HS2ST1: variants seen among roughly 807,000 people sequenced by gnomAD.
The protein encoded by HS2ST1 is heparan sulfate 2-O-sulfotransferase 1.
A neutral mutation model predicts 42.9 loss-of-function variants in HS2ST1; 18 were observed. The ratio of observed to expected loss-of-function variants is 0.42; its 90% CI spans 0.29 to 0.62. The LOEUF (loss-of-function observed/expected upper bound fraction) is 0.62, where lower values mean the gene tolerates loss of function less well. HS2ST1 is among the 20% of genes least tolerant of loss of function. HS2ST1 has a pLI of 0.21. For synonymous variants in HS2ST1, 146 were observed against 152.9 expected, an observed-to-expected ratio of 0.95 and a Z score of 0.33; for missense variants, 334 against 433.8, an observed-to-expected ratio of 0.77 and a Z score of 2.04.
rs985905921 is a variant in HS2ST1 at position 87,103,609 on chromosome 1, CT to C, written c.844+25del. The C allele has an allele frequency of 6.8e-7, 1 of 1,478,198 alleles. No individual in the cohort carries two copies. The highest frequency in any genetic ancestry group is 1.5e-5 in the African/African-American group (1 of 68,800). The allele number at this position is 1,478,198 out of a possible 1,614,324, so 91.6% of individuals were successfully genotyped here. On this transcript the variant is annotated intron_variant, in intron 6 of 6. Coordinates refer to ENST00000370550, the MANE Select transcript of HS2ST1 (RefSeq NM_012262.4). The stretch of plus-strand genomic sequence containing the variant: ...GCACAGGTATATAAAGGAAGGGTTT[CT>C]TTTTAAAGCTTTCTTTGGTTTGGTT...
chr1:86,926,457 A>G (rs1345055806), intron 1 of HS2ST1, among the ~76,000 whole-genome samples: 2 of 152,170 alleles, frequency 1.3e-5, no homozygotes. Flanking sequence ...GCTATAGCCT[A>G]GAAACTCTCT....
intron 3 of HS2ST1, among the ~76,000 whole-genome samples, chr1:87,089,942 G>A (rs1421024852): frequency 5.9e-5 from 9 of 151,956 alleles, no homozygotes; most frequent in African/African-American, 1.2e-4. Context: ...GTTCTTCTGC[G>A]AGGAGATTAT....
chr1:86,929,478 TG>T (rs1478479563), intron 1 of HS2ST1, among the ~76,000 whole-genome samples: 1 of 151,876 alleles, frequency 6.6e-6, no homozygotes, highest in Non-Finnish European at 1.5e-5. Context: ...GAAATCTATT[TG>T]TTTTCATATA....
chr1:87,033,426 A>G (rs1650289618), intron 1 of HS2ST1, among the ~76,000 whole-genome samples: 1 of 152,252 alleles, frequency 6.6e-6, no homozygotes, highest in Non-Finnish European at 1.5e-5. Flanking sequence ...TACATTACTT[A>G]GATTCTGTGC....
intron 1 of HS2ST1, among the ~76,000 whole-genome samples, chr1:86,933,990 TG>T (rs943133730): frequency 4.5e-4 from 69 of 152,248 alleles, no homozygotes; most frequent in African/African-American, 1.6e-3. Context: ...CCTATTGATG[TG>T]GTGTGTGTGT....
chr1:87,016,873 T>C (rs1344269109), intron 1 of HS2ST1, among the ~76,000 whole-genome samples: 3 of 152,098 alleles, frequency 2.0e-5, no homozygotes, highest in African/African-American at 7.2e-5. Flanking sequence ...GGTTTTTTTT[T>C]TTCAGGTTTT....
intron 1 of HS2ST1, among the ~76,000 whole-genome samples, chr1:86,941,875 G>C (rs1396183600): frequency 6.6e-6 from 1 of 152,124 alleles, no homozygotes; most frequent in South Asian, 2.1e-4. Flanking sequence ...GCCAAGTAGA[G>C]TTTATCTTTT....
chr1:87,065,714 TCTG>T (rs1483645312), intron 1 of HS2ST1, among the ~76,000 whole-genome samples: 3 of 152,238 alleles, frequency 2.0e-5, no homozygotes, highest in Non-Finnish European at 2.9e-5. Flanking sequence ...GTAGTGTTGC[TCTG>T]CTCTGTTATG....
rs1454264609 is a variant in HS2ST1, at chr1:87,089,608, C to T, written c.450-2923C>T. Among the ~76,000 whole-genome samples the T allele has an allele frequency of 2.0e-5, 3 of 152,088 alleles. No individual in the cohort carries two copies. The South Asian group carries it at 6.2e-4, about 31-fold the overall frequency. ...AGCTCTTGTTTTCTAACTGGCTGAG[C>T]TGTGTGGTCCAGTTGCTATTTTTAA... On this transcript the variant is annotated intron_variant, in intron 3 of 6. Transcript: ENST00000370550.
chr1:86,981,063 A>G (rs962973469), intron 1 of HS2ST1, among the ~76,000 whole-genome samples: 1 of 152,098 alleles, frequency 6.6e-6, no homozygotes, highest in Non-Finnish European at 1.5e-5. Context: ...GGCGAAGGGG[A>G]GGAAAGCAAG....
intron 1 of HS2ST1, chr1:87,045,367 C>G (rs1650624218): frequency 4.3e-6 from 6 of 1,393,222 alleles, no homozygotes; most frequent in Non-Finnish European, 6.1e-6. Context: ...CTGTCTCTCC[C>G]TTTTCAGAAG....
intron 1 of HS2ST1, among the ~76,000 whole-genome samples, chr1:86,921,361 T>C (rs1372265260): frequency 6.6e-6 from 1 of 152,226 alleles, no homozygotes; most frequent in Non-Finnish European, 1.5e-5. Context: ...TAGGCTGTCA[T>C]GTCTTCTTGA....
At chr1:86,982,263 A>G (rs548651068) in intron 1 of HS2ST1, among the ~76,000 whole-genome samples, 189 of 152,296 alleles carry the variant, frequency 1.2e-3, no homozygotes, top group African/African-American at 4.2e-3. Context: ...AGGGGCTGCC[A>G]TGAAGTTCTC....
intron 1 of HS2ST1, among the ~76,000 whole-genome samples, chr1:87,011,901 C>T (rs547525026): frequency 1.8e-4 from 28 of 152,248 alleles, no homozygotes; most frequent in African/African-American, 6.5e-4. Flanking sequence ...CTAGGACATA[C>T]GGTTTTATTT....
At chr1:87,009,163 T>A (rs1221602838) in intron 1 of HS2ST1, among the ~76,000 whole-genome samples, 1 of 152,244 alleles carries the variant, frequency 6.6e-6, no homozygotes, top group Admixed American at 6.5e-5. Flanking sequence ...AGAAAATTAC[T>A]GTGGACAATA....
chr1:87,041,605 C>T (rs1650527496), intron 1 of HS2ST1, among the ~76,000 whole-genome samples: 1 of 152,144 alleles, frequency 6.6e-6, no homozygotes, highest in South Asian at 2.1e-4. Context: ...TTCCCCACCT[C>T]AGTTCCTGGC....
intron 1 of HS2ST1, chr1:87,046,341 A>G (rs1461100603): frequency 4.0e-6 from 3 of 746,488 alleles, no homozygotes; most frequent in Admixed American, 1.7e-5. Context: ...TATACATTGC[A>G]TCTTTTGGGC....
intron 1 of HS2ST1, among the ~76,000 whole-genome samples, chr1:87,011,627 A>G (rs1570483411): frequency 6.6e-6 from 1 of 152,210 alleles, no homozygotes; most frequent in East Asian, 1.9e-4. Context: ...TAACTCATCA[A>G]TAATAGAATT....
intron 1 of HS2ST1, among the ~76,000 whole-genome samples, chr1:86,979,905 G>T (rs1352605341): frequency 6.6e-6 from 1 of 152,094 alleles, no homozygotes; most frequent in East Asian, 1.9e-4. Context: ...CATCCTAAAG[G>T]TCATGAAGTA....
Sources: gnomAD v4.1 joint callset for allele counts (sites outside exome capture counted in the v4.1 genomes callset) on GRCh38, gnomAD v4.1.1 for gene constraint, MANE v1.5 for transcripts, NCBI Gene and HGNC (gene_info 2026-07-23, HGNC 2026-07-21) for gene names.